The following MORC3 variants were observed in gnomAD, a reference collection of about 807,000 sequenced individuals.
MORC3 encodes MORC family CW-type zinc finger protein 3.
In MORC3, 31 loss-of-function variants were observed where a neutral mutation model predicts 109.1. The observed-to-expected ratio is 0.28, with a 90% confidence interval of 0.21 to 0.38. The LOEUF (loss-of-function observed/expected upper bound fraction) is 0.38, where lower values mean the gene tolerates loss of function less well. MORC3 is among the 10% of genes least tolerant of loss of function. The probability of loss-of-function intolerance (pLI) is 1.00; values close to 1 mark genes in which losing one functional copy is unlikely to be tolerated. For missense variants in MORC3, 867 were observed against 1,135.8 expected, an observed-to-expected ratio of 0.76 and a Z score of 3.40; for synonymous variants, 395 against 380.7, an observed-to-expected ratio of 1.04 and a Z score of -0.44.
chr21:36,352,398 TGG>T (rs33993234), intron 9 of MORC3, among the ~76,000 whole-genome samples: 17,995 of 140,220 alleles, frequency 0.13, 1,198 homozygotes, highest in Non-Finnish European at 0.14. Context: ...AAAAAAGGGG[TGG>T]GGGGGGGCAG....
chr21:36,357,038 C>A (rs2085652902), intron 10 of MORC3, among the ~76,000 whole-genome samples: 1 of 152,176 alleles, frequency 6.6e-6, no homozygotes. Flanking sequence ...GGGGCTGAAA[C>A]CCAACTTGAG....
intron 16 of MORC3, among the ~76,000 whole-genome samples, chr21:36,372,819 G>A (rs1303474791): frequency 6.6e-6 from 1 of 152,112 alleles, no homozygotes; most frequent in African/African-American, 2.4e-5. Flanking sequence ...AAATAAAAAT[G>A]GACAAGATAT....
rs377170948 is a variant in MORC3, at chr21:36,375,129, A to G, written c.2667-14A>G. On this transcript the variant is annotated splice_polypyrimidine_tract_variant and intron_variant, in intron 16 of 16. Transcript: ENST00000400485. ...GTAATGCTCATCTAATAAGTTACAT[A>G]TTTGTATTTGCAGCCTCAAACTCCG... 3.7e-6 allele frequency: 6 copies of G among 1,605,084 alleles called. No individual in the cohort carries two copies. The highest frequency in any genetic ancestry group is 1.3e-5 in the African/African-American group (1 of 74,726).
intron 3 of MORC3, 57 bp downstream of exon 3, chr21:36,337,063 C>T: frequency 6.4e-7 from 1 of 1,568,160 alleles, no homozygotes; most frequent in South Asian, 1.2e-5. Flanking sequence ...AAGGGTTTTC[C>T]ATGCCATACT....
chr21:36,330,918 A>G (rs866083336), intron 1 of MORC3, among the ~76,000 whole-genome samples: 2 of 152,244 alleles, frequency 1.3e-5, no homozygotes, highest in Non-Finnish European at 2.9e-5. Flanking sequence ...CCTATACTCC[A>G]TATTTCACGG....
At chr21:36,366,393 A>G (rs937247167) in intron 14 of MORC3, among the ~76,000 whole-genome samples, 1 of 152,164 alleles carries the variant, frequency 6.6e-6, no homozygotes, top group African/African-American at 2.4e-5. Flanking sequence ...CTGCAAAGAA[A>G]ATTTTTTAAA....
intron 16 of MORC3, among the ~76,000 whole-genome samples, chr21:36,373,641 G>A (rs1407338259): frequency 6.6e-6 from 1 of 151,632 alleles, no homozygotes; most frequent in Admixed American, 6.6e-5. Context: ...AAAAAAGCTG[G>A]TATGGGAACG....
intron 8 of MORC3, 36 bp from the exon 9 acceptor site, chr21:36,349,275 T>C: frequency 7.1e-7 from 1 of 1,399,406 alleles, no homozygotes; most frequent in Non-Finnish European, 1.0e-6. Flanking sequence ...CATCATGTCT[T>C]ATGCTTAAAA....
chr21:36,343,475 G>T (rs2085474433), intron 6 of MORC3, among the ~76,000 whole-genome samples: 1 of 130,718 alleles, frequency 7.7e-6, no homozygotes, highest in Non-Finnish European at 1.6e-5. Context: ...TTGAGACAGA[G>T]TCTCACTCTG....
At chr21:36,353,939 T>C (rs943138076) in intron 9 of MORC3, among the ~76,000 whole-genome samples, 1 of 150,908 alleles carries the variant, frequency 6.6e-6, no homozygotes, top group African/African-American at 2.4e-5. Flanking sequence ...GGCATGGTGG[T>C]GGGCACTTGT....
chr21:36,370,339 G>C (rs567970120), intron 15 of MORC3, among the ~76,000 whole-genome samples: 1 of 152,026 alleles, frequency 6.6e-6, no homozygotes, highest in Admixed American at 6.6e-5. Context: ...ATTGTGTAGG[G>C]GCATTTTTGG....
chr21:36,369,973 TC>T, intron 15 of MORC3, 97 bp downstream of exon 15: 1 of 1,421,722 alleles, frequency 7.0e-7, no homozygotes, highest in Non-Finnish European at 9.5e-7. Context: ...ATACCTGTAA[TC>T]CCACCACTTG....
intron 9 of MORC3, among the ~76,000 whole-genome samples, chr21:36,349,848 A>C (rs1601526667): frequency 6.6e-6 from 1 of 152,166 alleles, no homozygotes; most frequent in Non-Finnish European, 1.5e-5. Context: ...AGGGAGCCTT[A>C]TGTTGTTGGA....
chr21:36,340,206 A>G (rs2085425528), intron 5 of MORC3, among the ~76,000 whole-genome samples: 1 of 150,226 alleles, frequency 6.7e-6, no homozygotes, highest in African/African-American at 2.4e-5. Flanking sequence ...TGAACCAGGG[A>G]GGCGGAGCTT....
chr21:36,353,539 G>A (rs924626823), intron 9 of MORC3, among the ~76,000 whole-genome samples: 1 of 151,330 alleles, frequency 6.6e-6, no homozygotes, highest in Admixed American at 6.6e-5. Flanking sequence ...TTAGGAGTTC[G>A]AGACCAGCCT....
chr21:36,340,393 C>T (rs2085429357), intron 5 of MORC3, among the ~76,000 whole-genome samples: 1 of 151,984 alleles, frequency 6.6e-6, no homozygotes, highest in Non-Finnish European at 1.5e-5. Context: ...TCATGTTGCT[C>T]TTTTGTAGCC....
chr21:36,369,448 T>C lies in MORC3; in HGVS notation c.2080T>C (p.Cys694Arg), dbSNP rs754281532. ...CGATAAATCTGCAGATGATGCAGGCTGCCAATTACAAGAACTGAGAAACCA... is the reference window on the plus strand; with the variant it reads ...CGATAAATCTGCAGATGATGCAGGCCGCCAATTACAAGAACTGAGAAACCA... ...TTDKSADDAG[C>R]QLQELRNQLL... The change falls in exon 15 of 17, where the codon TGC (cysteine) becomes CGC (arginine). Residue 694 changes from cysteine (C) to arginine (R), a missense_variant. By Grantham distance (180) the Cys-to-Arg change is radical. Transcript: ENST00000400485. 1 of 1,614,094 alleles carries C rather than the reference T, an allele frequency of 6.2e-7. No homozygotes were observed. Among genetic ancestry groups the C allele is most frequent in the South Asian group, 1.1e-5 (1 of 91,068 alleles).
chr21:36,335,423 C>T (rs2085365441), intron 2 of MORC3, among the ~76,000 whole-genome samples: 1 of 150,390 alleles, frequency 6.6e-6, no homozygotes. Flanking sequence ...GGTTCAAGCA[C>T]TTGTCCCTCA....
chr21:36,331,977 C>T (rs1436328766), intron 1 of MORC3, among the ~76,000 whole-genome samples: 3 of 150,738 alleles, frequency 2.0e-5, no homozygotes, highest in African/African-American at 7.3e-5. Context: ...CCTGTCTCTA[C>T]AAAAAAGTAT....
Sources: allele counts gnomAD v4.1 joint callset (sites outside exome capture counted in the v4.1 genomes callset), GRCh38; gene constraint gnomAD v4.1.1; transcripts MANE v1.5; gene names NCBI Gene and HGNC (gene_info 2026-07-23, HGNC 2026-07-21).